The following SLC7A8 variants were observed in gnomAD, a reference collection of about 807,000 sequenced individuals.
SLC7A8 encodes large neutral amino acids transporter small subunit 2.
In SLC7A8, 30 loss-of-function variants were observed where a neutral mutation model predicts 51.2. The ratio of observed to expected loss-of-function variants is 0.59; its 90% CI spans 0.44 to 0.80. The LOEUF (loss-of-function observed/expected upper bound fraction) is 0.80, where lower values mean the gene tolerates loss of function less well. SLC7A8 is among the 30% of genes least tolerant of loss of function. The probability of loss-of-function intolerance (pLI) is 0.00; values close to 1 mark genes in which losing one functional copy is unlikely to be tolerated. For missense variants in SLC7A8, 612 were observed against 674.4 expected (o/e 0.91, Z 1.03); for synonymous variants, 257 against 275.8 (o/e 0.93, Z 0.67).
intron 1 of SLC7A8, 109 bp downstream of exon 1, chr14:23,182,655 A>G (rs1877231725): frequency 1.6e-6 from 2 of 1,273,746 alleles, no homozygotes; most frequent in Non-Finnish European, 2.1e-6. Flanking sequence ...GTGACTGACA[A>G]TCCTTTTCTA....
chr14:23,181,717 C>G (rs181871708), intron 1 of SLC7A8, among the ~76,000 whole-genome samples: 3 of 152,360 alleles, frequency 2.0e-5, no homozygotes, highest in Non-Finnish European at 2.9e-5. Context: ...AGAAGCATAT[C>G]TATGCCTGAC....
chr14:23,171,850 A>G (rs1449026566), intron 1 of SLC7A8, among the ~76,000 whole-genome samples: 2 of 152,200 alleles, frequency 1.3e-5, no homozygotes, highest in East Asian at 1.9e-4. Flanking sequence ...GGACTGTACA[A>G]ACAGCTCCTC....
rs568419165 is a variant in SLC7A8 at position 23,170,604 on chromosome 14, G to A, written c.152-4064C>T. On this transcript the variant is annotated intron_variant, in intron 1 of 10. Transcript: ENST00000316902. ...CTCCCGAGTAGCTGGGATTACAGGC[G>A]TGTGCCACCATGCCAGGCTAATTTT... Among the ~76,000 whole-genome samples the A allele has an allele frequency of 2.7e-3, 407 of 152,170 alleles. 4 individuals carry two copies. Among genetic ancestry groups the A allele is most frequent in the African/African-American group, 9.3e-3 (388 of 41,510 alleles).
At chr14:23,139,316 G>T in intron 6 of SLC7A8, 108 bp downstream of exon 6, 1 of 1,550,086 alleles carries the variant, frequency 6.5e-7, no homozygotes. Context: ...ACTTGGGGGT[G>T]ATTTCCACTT....
At chr14:23,175,488 C>T (rs538496683) in intron 1 of SLC7A8, among the ~76,000 whole-genome samples, 3 of 152,122 alleles carry the variant, frequency 2.0e-5, no homozygotes, top group East Asian at 1.9e-4. Flanking sequence ...GGATTACAGG[C>T]GTGAGCCACC....
intron 6 of SLC7A8, 135 bp downstream of exon 6, chr14:23,139,289 T>G (rs564387552): frequency 7.4e-7 from 1 of 1,359,770 alleles, no homozygotes; most frequent in African/African-American, 1.4e-5. Context: ...ATGACATATG[T>G]GGTTTCTGCC....
intron 3 of SLC7A8, among the ~76,000 whole-genome samples, chr14:23,162,101 A>T (rs1228582705): frequency 6.6e-6 from 1 of 152,058 alleles, no homozygotes; most frequent in African/African-American, 2.4e-5. Context: ...AAAGTATTCA[A>T]CAAACCGGAA....
intron 8 of SLC7A8, among the ~76,000 whole-genome samples, chr14:23,130,514 GAGA>G (rs1346107605): frequency 6.6e-6 from 1 of 152,066 alleles, no homozygotes; most frequent in Non-Finnish European, 1.5e-5. Context: ...TAAAATAATC[GAGA>G]AGATTTTAAT....
At chr14:23,135,173 C>T (rs931073923) in intron 7 of SLC7A8, among the ~76,000 whole-genome samples, 2 of 151,982 alleles carry the variant, frequency 1.3e-5, no homozygotes, top group African/African-American at 4.8e-5. Flanking sequence ...CTGCAACCTC[C>T]GCCTCCTGGG....
At chr14:23,146,657 C>G (rs2048796613) in intron 3 of SLC7A8, 1 of 152,262 alleles carries the variant, frequency 6.6e-6, no homozygotes. Flanking sequence ...AGAAGAAATT[C>G]TGAGAATGAG....
rs1015626879 is a variant in SLC7A8 at position 23,128,307 on chromosome 14, C to A, written c.1264-111G>T. Reference sequence around the variant, plus strand: ...ACCCACAGAGACACATCCTCAAGGGCAAAGGCTGGGCTTCCCTCGGCTCTG... The same window carrying A: ...ACCCACAGAGACACATCCTCAAGGGAAAAGGCTGGGCTTCCCTCGGCTCTG... On this transcript the variant is annotated intron_variant, in intron 9 of 10. Transcript: ENST00000316902. This position sits in a 1 kb window ranked among gnomAD's most constrained non-coding sequence, Gnocchi z 4.3. 2.6e-6 allele frequency: 4 copies of A among 1,554,094 alleles called. No individual in the cohort carries two copies. The East Asian group carries it at 9.6e-5, about 37-fold the overall frequency.
rs1007716270 is a variant in SLC7A8 at position 23,163,188 on chromosome 14, G to C, written c.508+2097C>G. On this transcript the variant is annotated intron_variant, in intron 3 of 10. Coordinates refer to ENST00000316902, the MANE Select transcript of SLC7A8 (RefSeq NM_012244.4). ...AGTGACTGATATGACTGGGGTGCTG[G>C]GTGTCTAACACTGTGCTGAGGGTGT... Among the ~76,000 whole-genome samples the C allele has an allele frequency of 4.4e-4, 67 of 152,244 alleles. 1 individual carries two copies. The highest frequency in any genetic ancestry group is 4.3e-3 in the Admixed American group (66 of 15,290).
At chr14:23,147,119 C>T (rs10136041) in intron 3 of SLC7A8, among the ~76,000 whole-genome samples, 27,384 of 69,694 alleles carry the variant, frequency 0.39, 2,740 homozygotes, top group South Asian at 0.49. Flanking sequence ...GATCCATTCA[C>T]CCATCCACCC....
chr14:23,132,598 AC>A (rs1026078322), intron 7 of SLC7A8, among the ~76,000 whole-genome samples: 1 of 150,310 alleles, frequency 6.7e-6, no homozygotes, highest in Admixed American at 6.6e-5. Flanking sequence ...AAACAAAAAA[AC>A]CCCCACAAAA....
chr14:23,163,442 A>G (rs772116356), intron 3 of SLC7A8, among the ~76,000 whole-genome samples: 6 of 152,168 alleles, frequency 3.9e-5, no homozygotes, highest in Admixed American at 6.5e-5. Flanking sequence ...TACACCCCCA[A>G]ACAAATGTCT....
chr14:23,160,597 T>C (rs2048916415), intron 3 of SLC7A8, among the ~76,000 whole-genome samples: 1 of 147,904 alleles, frequency 6.8e-6, no homozygotes, highest in Admixed American at 6.7e-5. Context: ...AAGGGCACGC[T>C]GTAGGAATAA....
chr14:23,128,550 C>T lies in SLC7A8; in HGVS notation c.1264-354G>A, dbSNP rs1302043290. Among the ~76,000 whole-genome samples, 1 of 152,200 alleles carries T rather than the reference C, an allele frequency of 6.6e-6. No homozygotes were observed. The highest frequency in any genetic ancestry group is 1.5e-5 in the Non-Finnish European group (1 of 68,040). On this transcript the variant is annotated intron_variant, in intron 9 of 10. Transcript: ENST00000316902. This position sits in a 1 kb window ranked among gnomAD's most constrained non-coding sequence, Gnocchi z 4.3. ...ACAGGGATGGAGAAGCTTGCTGGCA[C>T]ATGGGTGTGTCTGCTGAGGTCCTAG...
At chr14:23,154,577 C>T in intron 3 of SLC7A8, 2 of 693,316 alleles carry the variant, frequency 2.9e-6, no homozygotes, top group Non-Finnish European at 3.6e-6. Flanking sequence ...CAGGCGTTTC[C>T]AGATCTAGGA....
At chr14:23,129,833 A>C (rs1594815179) in intron 8 of SLC7A8, 34 bp from the exon 9 acceptor site, 1 of 1,611,370 alleles carries the variant, frequency 6.2e-7, no homozygotes, top group East Asian at 2.2e-5. Context: ...CAGTGATCCG[A>C]AAGATATTCA....
Sources: gnomAD v4.1 joint callset for allele counts (sites outside exome capture counted in the v4.1 genomes callset) on GRCh38, gnomAD v4.1.1 for gene constraint, Gnocchi (gnomAD v3.1) non-coding constraint, MANE v1.5 for transcripts, NCBI Gene and HGNC (gene_info 2026-07-23, HGNC 2026-07-21) for gene names.